Variants in IST1 observed in about 807,000 individuals in gnomAD.
The protein encoded by IST1 is IST1 homolog.
A neutral mutation model predicts 37.0 loss-of-function variants in IST1; 23 were observed. The observed-to-expected ratio is 0.62, with a 90% confidence interval of 0.45 to 0.88. IST1 has a LOEUF of 0.88. IST1 is among the 40% of genes least tolerant of loss of function. IST1 has a pLI of 0.00. For synonymous variants in IST1, 180 were observed against 161.7 expected (o/e 1.11, Z -0.86); for missense variants, 488 against 445.4 (o/e 1.10, Z -0.86).
At chr16:71,908,685 A>C (rs77735689) in intron 1 of IST1, among the ~76,000 whole-genome samples, 5,625 of 152,154 alleles carry the variant, frequency 0.037, 326 homozygotes, top group African/African-American at 0.13. Flanking sequence ...AGTATCACCC[A>C]CTTTCTGTCT....
chr16:71,907,382 A>G (rs2037249012), intron 1 of IST1, among the ~76,000 whole-genome samples: 1 of 149,234 alleles, frequency 6.7e-6, no homozygotes, highest in Non-Finnish European at 1.5e-5. Context: ...GGTTCATGCC[A>G]TTCTCCTGCC....
At chr16:71,911,710 ATTTTTTTTTTT>A (rs550809762) in intron 1 of IST1, among the ~76,000 whole-genome samples, 1 of 90,898 alleles carries the variant, frequency 1.1e-5, no homozygotes, top group Non-Finnish European at 2.1e-5. Flanking sequence ...TTAAACTTCG[ATTTTTTTTTTT>A]TTTTTTTTTT....
intron 9 of IST1, 76 bp downstream of exon 9, chr16:71,924,893 T>A (rs2037701557): frequency 1.9e-6 from 2 of 1,028,736 alleles, no homozygotes; most frequent in Non-Finnish European, 3.1e-6. Flanking sequence ...GTTCCTCCCT[T>A]AGAGACTGTT....
At chr16:71,900,231 T>C (rs1270012770) in intron 1 of IST1, among the ~76,000 whole-genome samples, 1 of 151,162 alleles carries the variant, frequency 6.6e-6, no homozygotes, top group South Asian at 2.1e-4. Context: ...CTTTTGTACG[T>C]ATTGGAGTGT....
At chr16:71,916,391 G>A (rs2037466883) in intron 2 of IST1, 71 bp from the exon 3 acceptor site, 2 of 1,460,962 alleles carry the variant, frequency 1.4e-6, no homozygotes, top group African/African-American at 1.4e-5. Context: ...TTCCTGTTGG[G>A]GGGAGATTGG....
At chr16:71,909,549 GGGTAC>G (rs1164004781) in intron 1 of IST1, among the ~76,000 whole-genome samples, 1 of 152,118 alleles carries the variant, frequency 6.6e-6, no homozygotes, top group Non-Finnish European at 1.5e-5. Flanking sequence ...TAAGGTATAT[GGGTAC>G]CTTTCATTAA....
At chr16:71,908,323 A>G (rs1475139842) in intron 1 of IST1, among the ~76,000 whole-genome samples, 1 of 62,414 alleles carries the variant, frequency 1.6e-5, no homozygotes, top group East Asian at 4.5e-4. Flanking sequence ...TTTTTTGGAG[A>G]CAGTCTTGCT....
In IST1 at chr16:71,927,913, CG is replaced by C; in HGVS notation, c.*101del. On this transcript the variant is annotated 3_prime_UTR_variant, in exon 10 of 10. Coordinates refer to ENST00000378799, the MANE Select transcript of IST1 (RefSeq NM_001270975.2). ...ATGAAATTCTGTTTCATCTGTTAAC[CG>C]TCACTCAGCACAACACTCCCTCTGG... is the stretch of plus-strand genomic sequence containing the variant. 2.4e-6 allele frequency: 2 copies of C among 843,236 alleles called. No individual in the cohort carries two copies. The highest frequency in any genetic ancestry group is 3.8e-5 in the Admixed American group (2 of 52,862). The allele number at this position is 843,236 out of a possible 1,614,324, so 52.2% of individuals were successfully genotyped here.
At chr16:71,904,672 G>C (rs570198619) in intron 1 of IST1, among the ~76,000 whole-genome samples, 2 of 152,288 alleles carry the variant, frequency 1.3e-5, no homozygotes, top group South Asian at 2.1e-4. Context: ...GCCTCCCAAA[G>C]TGCTGGGCTT....
intron 9 of IST1, among the ~76,000 whole-genome samples, chr16:71,925,556 C>T (rs754263693): frequency 5.9e-5 from 9 of 152,008 alleles, no homozygotes; most frequent in East Asian, 5.8e-4. Context: ...CCTTGTGATC[C>T]GCCTGCCTCA....
intron 1 of IST1, among the ~76,000 whole-genome samples, chr16:71,914,934 G>T (rs2037435867): frequency 6.6e-6 from 1 of 152,186 alleles, no homozygotes; most frequent in Admixed American, 6.5e-5. Flanking sequence ...TAGAGGACGG[G>T]TGGTTTTGTT....
At chr16:71,898,380 A>AG (rs577349215) in intron 1 of IST1, among the ~76,000 whole-genome samples, 1 of 147,206 alleles carries the variant, frequency 6.8e-6, no homozygotes, top group African/African-American at 2.5e-5. Flanking sequence ...GAAAAAAAAA[A>AG]AAAAAAAAGA....
intron 1 of IST1, among the ~76,000 whole-genome samples, chr16:71,899,526 A>T (rs949914898): frequency 2.6e-5 from 4 of 152,176 alleles, no homozygotes; most frequent in African/African-American, 4.8e-5. Flanking sequence ...CATAACTGCG[A>T]TACAGTGGTC....
At chr16:71,925,403 G>T (rs1350498240) in intron 9 of IST1, among the ~76,000 whole-genome samples, 2 of 148,562 alleles carry the variant, frequency 1.3e-5, no homozygotes, top group Admixed American at 1.4e-4. Flanking sequence ...TGCAACCTCT[G>T]CCTCCCGGGT....
rs1281047596 is a variant in IST1, at chr16:71,928,227, A to AC, written c.*418dup. ...GTTGAGGTTCCAGACTTAGAAACAG[A>AC]CCCCTCTGTACAGGGGGATTGTGGT... On this transcript the variant is annotated 3_prime_UTR_variant, in exon 10 of 10. Coordinates refer to ENST00000378799, the MANE Select transcript of IST1 (RefSeq NM_001270975.2). 1.8e-5 allele frequency: 4 copies of AC among 221,242 alleles called. No individual in the cohort carries two copies. The highest frequency in any genetic ancestry group is 9.3e-5 in the African/African-American group (4 of 43,094). 13.7% of individuals were successfully genotyped at this position (221,242 alleles called of 1,614,324 possible).
intron 8 of IST1, chr16:71,924,348 G>A (rs1455003533): frequency 1.9e-5 from 7 of 373,994 alleles, no homozygotes; most frequent in East Asian, 7.0e-5. Context: ...GGTGGTTCAC[G>A]CCTGTAATCC....
chr16:71,927,416 G>T (rs184811548), intron 9 of IST1, among the ~76,000 whole-genome samples, 198 bp from the exon 10 acceptor site: 41 of 151,702 alleles, frequency 2.7e-4, no homozygotes, highest in Admixed American at 2.6e-3. Flanking sequence ...CTGAACCCAG[G>T]AGGCAGAGGT....
intron 1 of IST1, chr16:71,903,283 T>C (rs1411487540): frequency 2.6e-5 from 4 of 152,186 alleles, no homozygotes; most frequent in African/African-American, 7.2e-5. Context: ...GCCTGGCCTC[T>C]TCTTTTCTAA....
In IST1 at chr16:71,898,302, G is replaced by T. The variant is rs1183326543; in HGVS notation, c.-16+2713G>T. Among the ~76,000 whole-genome samples, 3 of 151,458 alleles carry T rather than the reference G, an allele frequency of 2.0e-5. No homozygotes were observed. In the East Asian group the frequency reaches 5.8e-4, roughly 29 times the overall value. ...CAAGGCAGGGGAATCATTTGAACCT[G>T]GGAGGTGGAGGTTGCAATGTGCCAA... On this transcript the variant is annotated intron_variant, in intron 1 of 9. Transcript: ENST00000378799.
Sources: allele counts gnomAD v4.1 joint callset (sites outside exome capture counted in the v4.1 genomes callset), GRCh38; gene constraint gnomAD v4.1.1; transcripts MANE v1.5; gene names NCBI Gene and HGNC (gene_info 2026-07-23, HGNC 2026-07-21).